DSCAM: variants seen among roughly 807,000 people sequenced by gnomAD.
The protein encoded by DSCAM is DS cell adhesion molecule, also known as cell adhesion molecule DSCAM.
A neutral mutation model predicts 217.7 loss-of-function variants in DSCAM; 47 were observed. The observed-to-expected ratio is 0.22, with a 90% CI of 0.17 to 0.28. The LOEUF (loss-of-function observed/expected upper bound fraction) is 0.28. Among genes scored for constraint, DSCAM ranks in the 10% least tolerant of loss-of-function variants. The pLI, the probability that DSCAM is intolerant of heterozygous loss-of-function variation, is 1.00. For missense variants in DSCAM, 2,080 were observed against 2,618.3 expected (o/e 0.79, Z 4.49); for synonymous variants, 1,056 against 1,015.3 (o/e 1.04, Z -0.76).
rs112485838 is a variant in DSCAM, at chr21:40,117,741, G to A, written c.3696+6454C>T. On this transcript the variant is annotated intron_variant, in intron 20 of 32. Coordinates refer to ENST00000400454, the MANE Select transcript of DSCAM (RefSeq NM_001389.5). ...TGTGGTGTGCGAGTACTTTCGTGGC[G>A]TGATTATAACTTATATTTTCTATCG... 3.4e-3 allele frequency among the ~76,000 whole-genome samples: 515 copies of A among 152,262 alleles called. 2 individuals are homozygous for A. The highest frequency in any genetic ancestry group is 0.024 in the Middle Eastern group (7 of 294).
rs986343892 is a variant in DSCAM, at chr21:40,144,901, G to A, written c.3019-170C>T. Among the ~76,000 whole-genome samples, 3 of 152,152 alleles carry A rather than the reference G, an allele frequency of 2.0e-5. No homozygotes were observed. The highest frequency in any genetic ancestry group is 2.9e-5 in the Non-Finnish European group (2 of 68,020). On this transcript the variant is annotated intron_variant, in intron 16 of 32. Coordinates refer to ENST00000400454, the MANE Select transcript of DSCAM (RefSeq NM_001389.5). This position sits in a 1 kb window ranked among gnomAD's most constrained non-coding sequence, Gnocchi z 4.8. ...CCACGTACAGTGCAACTTGGTCTGT[G>A]CCAGGCACCCTTCCTTTACCTGTGA...
At chr21:40,304,335 T>A (rs1569052748) in intron 9 of DSCAM, among the ~76,000 whole-genome samples, 1 of 152,254 alleles carries the variant, frequency 6.6e-6, no homozygotes, top group Non-Finnish European at 1.5e-5. Context: ...AGAAGAGAGT[T>A]AGGGCCTTGC....
At chr21:40,722,851 T>C (rs1162465856) in intron 1 of DSCAM, among the ~76,000 whole-genome samples, 1 of 152,088 alleles carries the variant, frequency 6.6e-6, no homozygotes, top group Admixed American at 6.5e-5. Flanking sequence ...CTAACACTAC[T>C]CTAAAGAAAG....
At position 40,624,200 on chromosome 21, in the gene DSCAM, C is replaced by T. The variant is rs182450595; in HGVS notation, c.508+68610G>A. ...TCAGCCTCTACACATCTCATTTTCC[C>T]ATTTTACTAACATGCAAACTCATCA... On this transcript the variant is annotated intron_variant, in intron 3 of 32. Transcript: ENST00000400454. Among the ~76,000 whole-genome samples, 10 of 152,264 alleles carry T rather than the reference C, an allele frequency of 6.6e-5. No homozygotes were observed. The East Asian group carries it at 1.9e-3, about 29-fold the overall frequency.
intron 3 of DSCAM, among the ~76,000 whole-genome samples, chr21:40,555,902 G>A (rs1226108828): frequency 6.6e-6 from 1 of 152,126 alleles, no homozygotes; most frequent in Admixed American, 6.5e-5. Context: ...CTCCCAAAGT[G>A]CTGGGATTAC....
chr21:40,302,700 T>G (rs1421330710), intron 9 of DSCAM, among the ~76,000 whole-genome samples: 1 of 152,144 alleles, frequency 6.6e-6, no homozygotes, highest in Non-Finnish European at 1.5e-5. Flanking sequence ...TGATATATAT[T>G]CCAAAATACC....
intron 3 of DSCAM, among the ~76,000 whole-genome samples, chr21:40,533,474 C>T (rs1044487186): frequency 7.3e-5 from 11 of 150,952 alleles, no homozygotes; most frequent in East Asian, 4.1e-4. Flanking sequence ...TCCATCCATC[C>T]GTCCGTCCAT....
rs185586514 is a variant in DSCAM at position 40,592,786 on chromosome 21, G to T, written c.508+100024C>A. 2.6e-5 allele frequency among the ~76,000 whole-genome samples: 4 copies of T among 152,238 alleles called. No homozygotes were observed. The South Asian group carries it at 6.2e-4, about 24-fold the overall frequency. On this transcript the variant is annotated intron_variant, in intron 3 of 32. Transcript: ENST00000400454. ...TCTTCACCGCACTTGTATCACCATG[G>T]ATTATATGTTTATTGTCCTTCCCTC...
chr21:40,175,403 C>T (rs544910437), intron 15 of DSCAM, among the ~76,000 whole-genome samples: 102 of 152,256 alleles, frequency 6.7e-4, no homozygotes, highest in African/African-American at 2.1e-3. Flanking sequence ...CGTGAACTAC[C>T]GTGCCTGGCT....
At chr21:40,789,995 C>T (rs1199455348) in intron 1 of DSCAM, among the ~76,000 whole-genome samples, 1 of 152,006 alleles carries the variant, frequency 6.6e-6, no homozygotes, top group Non-Finnish European at 1.5e-5. Context: ...GCCAATTTAG[C>T]GGAAATAGGT....
chr21:40,019,922 T>A (rs2088231722), intron 32 of DSCAM, among the ~76,000 whole-genome samples: 2 of 152,168 alleles, frequency 1.3e-5, no homozygotes, highest in South Asian at 2.1e-4. Flanking sequence ...ATTTCCCCCC[T>A]TCCCCTTCTC....
chr21:40,265,722 T>C (rs553341774), intron 11 of DSCAM, among the ~76,000 whole-genome samples: 6 of 152,102 alleles, frequency 3.9e-5, no homozygotes, highest in Non-Finnish European at 7.4e-5. Context: ...TGACAAAGCA[T>C]ATAAAAACAT....
intron 6 of DSCAM, among the ~76,000 whole-genome samples, chr21:40,344,432 GGCT>G (rs546899522): frequency 6.6e-6 from 1 of 151,966 alleles, no homozygotes; most frequent in African/African-American, 2.4e-5. Flanking sequence ...TAATGTGCAG[GGCT>G]GCTGACATTA....
intron 1 of DSCAM, among the ~76,000 whole-genome samples, chr21:40,785,160 C>T (rs2091581824): frequency 1.3e-5 from 2 of 152,228 alleles, no homozygotes; most frequent in South Asian, 4.1e-4. Flanking sequence ...CAAACATAAA[C>T]TATCTTTGGT....
intron 3 of DSCAM, among the ~76,000 whole-genome samples, chr21:40,471,088 A>T (rs1223940455): frequency 1.3e-5 from 2 of 152,202 alleles, no homozygotes; most frequent in Non-Finnish European, 2.9e-5. Flanking sequence ...GCGGATAAAA[A>T]CATAAGTGGT....
At chr21:40,752,816 G>A (rs1401743556) in intron 1 of DSCAM, among the ~76,000 whole-genome samples, 3 of 152,250 alleles carry the variant, frequency 2.0e-5, no homozygotes, top group East Asian at 1.9e-4. Flanking sequence ...GAAAGGAGGA[G>A]AGAAGGGGAG....
intron 3 of DSCAM, among the ~76,000 whole-genome samples, chr21:40,580,676 T>C (rs2076897994): frequency 1.3e-5 from 2 of 151,764 alleles, no homozygotes. Context: ...ATAAAGGAAA[T>C]AGAGAATCAT....
chr21:40,106,192 G>C (rs2089817583), intron 20 of DSCAM, among the ~76,000 whole-genome samples: 1 of 152,100 alleles, frequency 6.6e-6, no homozygotes, highest in African/African-American at 2.4e-5. Context: ...GAACTCATGA[G>C]ACTTATTCAC....
At chr21:40,611,122 G>T (rs1028969486) in intron 3 of DSCAM, among the ~76,000 whole-genome samples, 1 of 143,536 alleles carries the variant, frequency 7.0e-6, no homozygotes, top group African/African-American at 2.6e-5. Flanking sequence ...ACAGTGGCGC[G>T]ATCTCGGCTC....
Sources: allele counts gnomAD v4.1 joint callset (sites outside exome capture counted in the v4.1 genomes callset), GRCh38; gene constraint gnomAD v4.1.1; non-coding constraint Gnocchi (gnomAD v3.1); transcripts MANE v1.5; gene names NCBI Gene and HGNC (gene_info 2026-07-23, HGNC 2026-07-21).